PFKFB3: variants seen among roughly 807,000 people sequenced by gnomAD.
The protein encoded by PFKFB3 is 6-phosphofructo-2-kinase/fructose-2,6-biphosphatase 3.
A neutral mutation model predicts 68.0 loss-of-function variants in PFKFB3; 33 were observed. The ratio of observed to expected loss-of-function variants is 0.49; its 90% CI spans 0.37 to 0.65. PFKFB3 has a LOEUF of 0.65. Ranked by LOEUF, PFKFB3 falls within the 30% of genes least tolerant of loss-of-function variation. The pLI, the probability that PFKFB3 is intolerant of heterozygous loss-of-function variation, is 0.00. For missense variants in PFKFB3, 586 were observed against 712.2 expected (o/e 0.82, Z 2.02); for synonymous variants, 315 against 288.2 (o/e 1.09, Z -0.94).
chr10:6,320,941 C>G, the PFKFB3 span, among the ~76,000 whole-genome samples: 1 of 152,196 alleles, frequency 6.6e-6, no homozygotes, highest in African/African-American at 2.4e-5. Context: ...CTGCCCAGTT[C>G]TAAATGGTGA....
At position 6,151,348 on chromosome 10, in the gene PFKFB3, TGACA is replaced by T. The variant is rs1195600757; in HGVS notation, c.16+6336_16+6339del. On this transcript the variant is annotated intron_variant, in intron 1 of 14. Transcript: ENST00000379789. ...CCAGCTGTAGCTCCGGAAGGTGCTC[TGACA>T]TGACAGTTCAAAAACACACTTCCCC... Among the ~76,000 whole-genome samples the T allele has an allele frequency of 4.7e-3, 713 of 152,226 alleles. 5 individuals are homozygous for T. Among genetic ancestry groups the T allele is most frequent in the African/African-American group, 0.015 (639 of 41,524 alleles).
At chr10:6,171,348 C>CCCGG (rs1842306274) in intron 1 of PFKFB3, among the ~76,000 whole-genome samples, 2 of 152,114 alleles carry the variant, frequency 1.3e-5, no homozygotes, top group African/African-American at 4.8e-5. Flanking sequence ...AGCCACCGGG[C>CCCGG]CCGGCCCTTC....
At chr10:6,279,177 C>T in the PFKFB3 span, among the ~76,000 whole-genome samples, 2 of 152,150 alleles carry the variant, frequency 1.3e-5, no homozygotes, top group African/African-American at 4.8e-5. Context: ...CCAATGAGGA[C>T]ATATCATTTA....
At chr10:6,290,396 TGA>T in the PFKFB3 span, among the ~76,000 whole-genome samples, 1 of 152,142 alleles carries the variant, frequency 6.6e-6, no homozygotes, top group Admixed American at 6.6e-5. Flanking sequence ...CCTAATTTAT[TGA>T]GAGTTTTTAG....
chr10:6,201,746 T>G (rs112676644), upstream of PFKFB3, among the ~76,000 whole-genome samples: 10 of 152,172 alleles, frequency 6.6e-5, no homozygotes, highest in Non-Finnish European at 1.0e-4. This position sits in a 1 kb window ranked among gnomAD's most constrained non-coding sequence, Gnocchi z 4.1. Flanking sequence ...CAGCGCTAAG[T>G]GTGCACCTCT....
Position 6,233,866 on chromosome 10 carries a change from C to G in PFKFB3, c.*924C>G, listed in dbSNP as rs1265576965. On this transcript the variant is annotated 3_prime_UTR_variant, in exon 15 of 15. Coordinates refer to ENST00000379775, the MANE Select transcript of PFKFB3 (RefSeq NM_004566.4). ...ACCTCTGAAGGTGGGGAGCGGAACA[C>G]CTGGCATCCTTCCCCAGCACTTGCA... 3 of 152,866 alleles carry G rather than the reference C, an allele frequency of 2.0e-5. No homozygotes were observed. The highest frequency in any genetic ancestry group is 7.2e-5 in the African/African-American group (3 of 41,474). 9.5% of individuals were successfully genotyped at this position (152,866 alleles called of 1,614,324 possible).
At chr10:6,195,099 T>C (rs1346627416) in intron 1 of PFKFB3, among the ~76,000 whole-genome samples, 1 of 152,162 alleles carries the variant, frequency 6.6e-6, no homozygotes, top group African/African-American at 2.4e-5. Context: ...CTTGAACTCC[T>C]GAGCTAAAGT....
chr10:6,312,469 T>A, the PFKFB3 span, among the ~76,000 whole-genome samples: 9 of 152,188 alleles, frequency 5.9e-5, no homozygotes, highest in African/African-American at 1.9e-4. Flanking sequence ...GTGAGCCATC[T>A]GCCTGGGGTG....
the PFKFB3 span, among the ~76,000 whole-genome samples, chr10:6,317,407 G>A: frequency 6.6e-6 from 1 of 152,196 alleles, no homozygotes; most frequent in East Asian, 1.9e-4. Flanking sequence ...CATTGGAATA[G>A]AGAAAAGCTG....
chr10:6,187,959 CT>C (rs1831220069), intron 1 of PFKFB3, among the ~76,000 whole-genome samples: 3 of 133,550 alleles, frequency 2.2e-5, no homozygotes, highest in Non-Finnish European at 4.9e-5. Flanking sequence ...TTCTATCTAT[CT>C]ATCTATCTAT....
At chr10:6,304,695 T>C in the PFKFB3 span, among the ~76,000 whole-genome samples, 1 of 150,046 alleles carries the variant, frequency 6.7e-6, no homozygotes, top group Non-Finnish European at 1.5e-5. Flanking sequence ...CTTTTTTTTT[T>C]TTTTTAGTAG....
chr10:6,317,141 G>A, the PFKFB3 span, among the ~76,000 whole-genome samples: 2 of 152,142 alleles, frequency 1.3e-5, no homozygotes, highest in Non-Finnish European at 2.9e-5. Context: ...AGAGCCCTGG[G>A]ATTTGACTCT....
At chr10:6,310,132 A>G in the PFKFB3 span, among the ~76,000 whole-genome samples, 6 of 152,114 alleles carry the variant, frequency 3.9e-5, no homozygotes, top group Non-Finnish European at 5.9e-5. Context: ...GGCAGACAGG[A>G]GCAGGTTCTT....
At chr10:6,300,582 C>G in the PFKFB3 span, among the ~76,000 whole-genome samples, 3 of 152,144 alleles carry the variant, frequency 2.0e-5, no homozygotes, top group African/African-American at 7.2e-5. Flanking sequence ...AGAACTGCTC[C>G]GAAACGGGAA....
At chr10:6,208,835 T>C (rs1430897128) in intron 1 of PFKFB3, among the ~76,000 whole-genome samples, 1 of 152,220 alleles carries the variant, frequency 6.6e-6, no homozygotes, top group African/African-American at 2.4e-5. Flanking sequence ...TTTCCATAAC[T>C]GGCTCCTTGT....
intron 11 of PFKFB3, among the ~76,000 whole-genome samples, chr10:6,223,417 G>A (rs1845098557): frequency 1.3e-5 from 2 of 152,224 alleles, no homozygotes; most frequent in African/African-American, 4.8e-5. Context: ...TTGTTTGGGA[G>A]TGACTTTTTC....
At chr10:6,282,063 G>A in the PFKFB3 span, among the ~76,000 whole-genome samples, 1 of 151,460 alleles carries the variant, frequency 6.6e-6, no homozygotes, top group East Asian at 1.9e-4. Flanking sequence ...TCGAACTCCT[G>A]GGCTCAAGTG....
At chr10:6,274,304 G>T in the PFKFB3 span, among the ~76,000 whole-genome samples, 6 of 152,058 alleles carry the variant, frequency 3.9e-5, no homozygotes, top group Non-Finnish European at 7.4e-5. Context: ...GCTTTTTTGT[G>T]TGTGCTGTAG....
intron 1 of PFKFB3, among the ~76,000 whole-genome samples, chr10:6,182,489 G>A (rs747312856): frequency 4.6e-5 from 7 of 152,170 alleles, no homozygotes; most frequent in Non-Finnish European, 8.8e-5. Context: ...GGAGAATGAG[G>A]GGCCTTTGAA....
Sources: gnomAD v4.1 joint callset for allele counts (sites outside exome capture counted in the v4.1 genomes callset) on GRCh38, gnomAD v4.1.1 for gene constraint, Gnocchi (gnomAD v3.1) non-coding constraint, MANE v1.5 for transcripts, NCBI Gene and HGNC (gene_info 2026-07-23, HGNC 2026-07-21) for gene names.